FKBP8: variants seen among roughly 807,000 people sequenced by gnomAD.
The protein encoded by FKBP8 is FKBP prolyl isomerase 8.
Under a neutral mutation model 41.7 loss-of-function variants are expected in FKBP8, and 5 were observed. That is an observed-to-expected ratio of 0.12 (90% confidence interval 0.06 to 0.25). The LOEUF is 0.25. Ranked by LOEUF, FKBP8 falls within the 10% of genes least tolerant of loss-of-function variation. FKBP8 has a pLI of 1.00. For synonymous variants in FKBP8, 279 were observed against 254.5 expected, an observed-to-expected ratio of 1.10 and a Z score of -0.92; for missense variants, 397 against 563.0, an observed-to-expected ratio of 0.71 and a Z score of 2.98.
At chr19:18,542,823 C>G in intron 1 of FKBP8, 1 of 1,084,056 alleles carries the variant, frequency 9.2e-7, no homozygotes, top group Non-Finnish European at 1.2e-6. Flanking sequence ...CCCCCAGGCC[C>G]CAAGCTCAGA....
chr19:18,534,339 G>C (rs1472042448), intron 6 of FKBP8, among the ~76,000 whole-genome samples: 2 of 152,080 alleles, frequency 1.3e-5, no homozygotes, highest in Non-Finnish European at 2.9e-5. Context: ...AAAACAGCCA[G>C]GCTCCTGGCT....
chr19:18,537,976 G>C lies in FKBP8; in HGVS notation c.773-203C>G. 1 of 673,444 alleles carries C rather than the reference G, an allele frequency of 1.5e-6. No homozygotes were observed. The highest frequency in any genetic ancestry group is 2.5e-6 in the Non-Finnish European group (1 of 403,058). 41.7% of individuals were successfully genotyped at this position (673,444 alleles called of 1,614,324 possible). Reference sequence around the variant, plus strand: ...CGAGGGCCTAGCCTGTGGTACATGTGAACTGGCCCTGTCTATGGTCACCCC... The same window carrying C: ...CGAGGGCCTAGCCTGTGGTACATGTCAACTGGCCCTGTCTATGGTCACCCC... On this transcript the variant is annotated intron_variant, in intron 5 of 8. Transcript: ENST00000608443. The surrounding 1 kb of genome is among the most constrained non-coding windows in gnomAD (Gnocchi z 4.4).
intron 2 of FKBP8, among the ~76,000 whole-genome samples, chr19:18,540,435 T>C (rs1477230701): frequency 6.6e-6 from 1 of 151,856 alleles, no homozygotes; most frequent in Non-Finnish European, 1.5e-5. Flanking sequence ...ACCCCATCTC[T>C]ACAAAAAATA....
intron 2 of FKBP8, among the ~76,000 whole-genome samples, chr19:18,539,951 C>G (rs1379048711): frequency 6.6e-6 from 1 of 152,130 alleles, no homozygotes; most frequent in Non-Finnish European, 1.5e-5. Context: ...AGTGCTGGTG[C>G]TAGAGACCAG....
rs776492544 is a variant in FKBP8 at position 18,533,360 on chromosome 19, G to A, written c.946-13C>T. 3 of 1,595,298 alleles carry A rather than the reference G, an allele frequency of 1.9e-6. No homozygotes were observed. The highest frequency in any genetic ancestry group is 2.3e-5 in the East Asian group (1 of 44,434). ...GCTGGGCCAGCACCTGTAAGGGGAA[G>A]GGGGTGGCATCACTCTGGACCCATA... is the stretch of plus-strand genomic sequence containing the variant. On this transcript the variant is annotated splice_polypyrimidine_tract_variant and intron_variant, in intron 6 of 8. Coordinates refer to ENST00000608443, the MANE Select transcript of FKBP8 (RefSeq NM_012181.5).
Position 18,541,947 on chromosome 19 carries a change from A to C in FKBP8, c.24T>G (p.Ser8=). ...CGGCGGGCAGTGGGGCAGAGGGCTC[A>C]GAGGGTTCAGCACACGATGCCATGC... MASCAEP[S]EPSAPLPAGV... Residue 8 remains serine, a synonymous_variant, in exon 2 of 9, where the codon TCT becomes TCG. Transcript: ENST00000608443. 6.2e-7 allele frequency: 1 copy of C among 1,614,030 alleles called. No individual in the cohort carries two copies. Among genetic ancestry groups the C allele is most frequent in the Non-Finnish European group, 8.5e-7 (1 of 1,179,972 alleles).
Position 18,538,377 on chromosome 19 carries a change from G to A in FKBP8, c.611C>T (p.Ala204Val). The A allele has an allele frequency of 1.2e-6, 2 of 1,613,578 alleles. No homozygotes were observed. Among genetic ancestry groups the A allele is most frequent in the Non-Finnish European group, 1.7e-6 (2 of 1,179,984 alleles). Reference sequence around the variant, plus strand: ...CATCTCCAGGTCAGGCCCGTCCACAGCCGTCTTCAGGGTCACCTCCAGGCA... The same window carrying A: ...CATCTCCAGGTCAGGCCCGTCCACAACCGTCTTCAGGGTCACCTCCAGGCA... ...ALCLEVTLKTAVDGPDLEMLT... is the reference protein window; with the variant it reads ...ALCLEVTLKTVVDGPDLEMLT... Residue 204 changes from alanine (A) to valine (V), a missense_variant, in exon 5 of 9, where the codon GCT becomes GTT. This residue lies in a region of FKBP8 where 225 missense variants were observed against 366.8 expected (regional missense o/e 0.61). Coordinates refer to ENST00000608443, the MANE Select transcript of FKBP8 (RefSeq NM_012181.5). This position sits in a 1 kb window ranked among gnomAD's most constrained non-coding sequence, Gnocchi z 4.0.
At chr19:18,540,659 G>GTC (rs2145193293) in intron 2 of FKBP8, among the ~76,000 whole-genome samples, 1 of 152,064 alleles carries the variant, frequency 6.6e-6, no homozygotes, top group East Asian at 1.9e-4. Context: ...ATCACCTGAG[G>GTC]TCAGGAGTTC....
At position 18,537,857 on chromosome 19, in the gene FKBP8, T is replaced by C. The variant is rs1210883273; in HGVS notation, c.773-84A>G. On this transcript the variant is annotated intron_variant, in intron 5 of 8. Coordinates refer to ENST00000608443, the MANE Select transcript of FKBP8 (RefSeq NM_012181.5). The surrounding 1 kb of genome is among the most constrained non-coding windows in gnomAD (Gnocchi z 4.4). ...CCCACCCCTCTGCGGAGGCTGCCTC[T>C]CTGGCCTCAGTTTCCCCAATTTTAA... 3.0e-5 allele frequency: 43 copies of C among 1,427,810 alleles called. 1 individual carries two copies. The East Asian group carries it at 1.0e-3, about 33-fold the overall frequency. 88.4% of individuals were successfully genotyped at this position (1,427,810 alleles called of 1,614,324 possible). A position where few individuals can be genotyped will look rare whatever the true frequency, so the allele number is the denominator to read the frequency against.
intron 2 of FKBP8, among the ~76,000 whole-genome samples, 199 bp downstream of exon 2, chr19:18,541,480 G>A (rs1005311003): frequency 8.5e-5 from 13 of 152,222 alleles, no homozygotes; most frequent in South Asian, 4.1e-4. Flanking sequence ...TCTGGGAAAC[G>A]GGGACACAGC....
intron 2 of FKBP8, 146 bp downstream of exon 2, chr19:18,541,533 G>A: frequency 1.8e-6 from 2 of 1,135,564 alleles, no homozygotes; most frequent in Non-Finnish European, 2.5e-6. Context: ...GTACATCAAT[G>A]TGAAGCATCT....
chr19:18,532,844 C>T lies in FKBP8; in HGVS notation c.1024-49G>A, dbSNP rs376173283. ...GAACACGCAGCGGCCAACCTGTCATCACTGGCGCTCTGCCTTACTGGGACC... is the reference window on the plus strand; with the variant it reads ...GAACACGCAGCGGCCAACCTGTCATTACTGGCGCTCTGCCTTACTGGGACC... On this transcript the variant is annotated intron_variant, in intron 7 of 8. Coordinates refer to ENST00000608443, the MANE Select transcript of FKBP8 (RefSeq NM_012181.5). 1.1e-5 allele frequency: 18 copies of T among 1,603,194 alleles called. No homozygotes were observed. In the East Asian group the frequency reaches 1.6e-4, roughly 14 times the overall value.
chr19:18,534,951 A>AT, intron 6 of FKBP8, among the ~76,000 whole-genome samples: 1 of 151,692 alleles, frequency 6.6e-6, no homozygotes, highest in Middle Eastern at 3.4e-3. Context: ...CCACCGGCTA[A>AT]TTTTTGTATT....
chr19:18,538,277 G>T lies in FKBP8; in HGVS notation c.711C>A (p.Asp237Glu), dbSNP rs745339783. ...CGTAGGAGTTGGCGGCCAGGACGAA[G>T]TCCGCCCGCTGGTAGTGGGCGTTGC... is the stretch of plus-strand genomic sequence containing the variant. Reference protein sequence around the residue: ...ECGNAHYQRADFVLAANSYDL... With the variant: ...ECGNAHYQRAEFVLAANSYDL... The change falls in exon 5 of 9, where the codon GAC becomes GAA. Residue 237 changes from aspartate to glutamate, a missense_variant. By Grantham distance (45) the Asp-to-Glu change is conservative. This residue lies in a region of FKBP8 where 225 missense variants were observed against 366.8 expected (regional missense o/e 0.61). Coordinates refer to ENST00000608443, the MANE Select transcript of FKBP8 (RefSeq NM_012181.5). This position sits in a 1 kb window ranked among gnomAD's most constrained non-coding sequence, Gnocchi z 4.0. 2 of 1,613,370 alleles carry T rather than the reference G, an allele frequency of 1.2e-6. No homozygotes were observed. The highest frequency in any genetic ancestry group is 2.2e-5 in the East Asian group (1 of 44,888).
rs1191487364 is a variant in FKBP8 at position 18,539,386 on chromosome 19, T to C, written c.536A>G (p.Tyr179Cys). 1 of 1,613,098 alleles carries C rather than the reference T, an allele frequency of 6.2e-7. No homozygotes were observed. Among genetic ancestry groups the C allele is most frequent in the Non-Finnish European group, 8.5e-7 (1 of 1,179,896 alleles). ...TGACTCTCACCTGCCTTGGGGGCCG[T>C]AGCAGTACTTGGAGTCAGCAGTGAC... ...AMVTADSKYC[Y>C]GPQGSRSPYI... Residue 179 changes from tyrosine (Y) to cysteine (C), a missense_variant, in exon 4 of 9, where the codon TAC becomes TGC. Physicochemically the swap from Tyr to Cys is radical, Grantham distance 194. This residue lies in a region of FKBP8 where 225 missense variants were observed against 366.8 expected (regional missense o/e 0.61). Coordinates refer to ENST00000608443, the MANE Select transcript of FKBP8 (RefSeq NM_012181.5).
At chr19:18,535,087 CTTAT>C (rs1390516411) in intron 6 of FKBP8, among the ~76,000 whole-genome samples, 5 of 152,020 alleles carry the variant, frequency 3.3e-5, no homozygotes, top group South Asian at 2.1e-4. Flanking sequence ...TCCAGGCCTA[CTTAT>C]TTATTTATTT....
chr19:18,540,000 T>C (rs113341342), intron 2 of FKBP8, among the ~76,000 whole-genome samples: 10,041 of 151,858 alleles, frequency 0.066, 467 homozygotes, highest in Non-Finnish European at 0.099. Flanking sequence ...TTTGTTTTTT[T>C]GTTTTTTTTT....
chr19:18,533,315 G>A lies in FKBP8; in HGVS notation c.978C>T (p.Ala326=), dbSNP rs1355293311. The A allele has an allele frequency of 6.2e-7, 1 of 1,606,154 alleles. No homozygotes were observed. The highest frequency in any genetic ancestry group is 8.5e-7 in the Non-Finnish European group (1 of 1,176,636). ...TCAGGGCTGCCCTCAGGATGGGGAT[G>A]GCCTCACTGTACTCCCCCTGCTGGG... ...VLAQQGEYSE[A]IPILRAALKL... is the part of the protein sequence containing the mutation. Residue 326 remains alanine, a synonymous_variant, in exon 7 of 9, where the codon GCC becomes GCT. Transcript: ENST00000608443.
At position 18,538,150 on chromosome 19, in the gene FKBP8, G is replaced by A; in HGVS notation, c.772+66C>T. 2 of 1,487,120 alleles carry A rather than the reference G, an allele frequency of 1.3e-6. No homozygotes were observed. The highest frequency in any genetic ancestry group is 1.8e-6 in the Non-Finnish European group (2 of 1,091,646). 92.1% of individuals were successfully genotyped at this position (1,487,120 alleles called of 1,614,324 possible). A position where few individuals can be genotyped will look rare whatever the true frequency, so the allele number is the denominator to read the frequency against. ...CTGAGTCTGAGGCTCTCTGGGGCTG[G>A]AAGTTTCTGGCACGGAGTGGACACC... On this transcript the variant is annotated intron_variant, in intron 5 of 8. Transcript: ENST00000608443. This position sits in a 1 kb window ranked among gnomAD's most constrained non-coding sequence, Gnocchi z 4.0.
Sources: allele counts gnomAD v4.1 joint callset (sites outside exome capture counted in the v4.1 genomes callset), GRCh38; gene constraint gnomAD v4.1.1; regional missense constraint gnomAD v4.1.1; non-coding constraint Gnocchi (gnomAD v3.1); transcripts MANE v1.5; gene names NCBI Gene and HGNC (gene_info 2026-07-23, HGNC 2026-07-21).